KCNQ3: variants seen among roughly 807,000 people sequenced by gnomAD.
KCNQ3 encodes the protein potassium voltage-gated channel subfamily Q member 3.
Under a neutral mutation model 92.5 loss-of-function variants are expected in KCNQ3, and 30 were observed. The ratio of observed to expected loss-of-function variants is 0.32; its 90% CI spans 0.24 to 0.44. The LOEUF (loss-of-function observed/expected upper bound fraction) is 0.44, where lower values mean the gene tolerates loss of function less well. Ranked by LOEUF, KCNQ3 falls within the 20% of genes least tolerant of loss-of-function variation. KCNQ3 has a pLI of 1.00. For missense variants in KCNQ3, 913 were observed against 1,140.3 expected (o/e 0.80, Z 2.87); for synonymous variants, 450 against 468.8 (o/e 0.96, Z 0.52).
chr8:132,428,313 CTT>C (rs1821162441), intron 1 of KCNQ3, among the ~76,000 whole-genome samples: 1 of 152,212 alleles, frequency 6.6e-6, no homozygotes, highest in African/African-American at 2.4e-5. Context: ...TTAAAGAAGT[CTT>C]TTCCAACATG....
At chr8:132,146,358 T>C (rs1032305149) in intron 9 of KCNQ3, among the ~76,000 whole-genome samples, 2 of 152,212 alleles carry the variant, frequency 1.3e-5, no homozygotes, top group Admixed American at 6.5e-5. Context: ...TTGAGGACAT[T>C]ATGCTAAATG....
At chr8:132,185,940 G>T in intron 2 of KCNQ3, 151 bp downstream of exon 2, 1 of 696,806 alleles carries the variant, frequency 1.4e-6, no homozygotes, top group Non-Finnish European at 2.6e-6. Flanking sequence ...GCCATACCAA[G>T]TAATGGAGGC....
rs74594293 is a variant in KCNQ3, at chr8:132,233,923, C to T, written c.387-47742G>A. ...CAATAAAGGAAAAGGTCTAATTTGACCTGTGGGGAAAATGACAAAGTAAAT... is the reference window on the plus strand; with the variant it reads ...CAATAAAGGAAAAGGTCTAATTTGATCTGTGGGGAAAATGACAAAGTAAAT... On this transcript the variant is annotated intron_variant, in intron 1 of 14. Coordinates refer to ENST00000388996, the MANE Select transcript of KCNQ3 (RefSeq NM_004519.4). 4.7e-4 allele frequency among the ~76,000 whole-genome samples: 72 copies of T among 152,170 alleles called. No homozygotes were observed. The East Asian group carries it at 0.013, about 28-fold the overall frequency.
intron 1 of KCNQ3, among the ~76,000 whole-genome samples, chr8:132,298,725 G>T (rs7835976): frequency 0.026 from 3,908 of 152,206 alleles, 185 homozygotes; most frequent in African/African-American, 0.089. Flanking sequence ...TGGCCAACAT[G>T]GTGAAAACCC....
intron 1 of KCNQ3, among the ~76,000 whole-genome samples, chr8:132,424,935 A>G (rs958421039): frequency 1.3e-5 from 2 of 152,222 alleles, no homozygotes; most frequent in African/African-American, 4.8e-5. Flanking sequence ...AATTATATCC[A>G]CAAGGAGTCT....
chr8:132,179,058 A>T (rs1435791787), intron 4 of KCNQ3, among the ~76,000 whole-genome samples: 1 of 148,820 alleles, frequency 6.7e-6, no homozygotes, highest in Admixed American at 6.7e-5. Flanking sequence ...CCCAAAGAAC[A>T]TCCATCCCAG....
At chr8:132,408,033 T>C (rs1820539939) in intron 1 of KCNQ3, among the ~76,000 whole-genome samples, 1 of 152,102 alleles carries the variant, frequency 6.6e-6, no homozygotes, top group Admixed American at 6.5e-5. Context: ...ATTAATCTAG[T>C]TTATTACTAG....
chr8:132,427,389 G>T (rs909757809), intron 1 of KCNQ3, among the ~76,000 whole-genome samples: 3 of 152,164 alleles, frequency 2.0e-5, no homozygotes, highest in Admixed American at 2.0e-4. Context: ...CTCCTTTAAC[G>T]TAAGGAGTCA....
At chr8:132,264,839 C>A (rs545086429) in intron 1 of KCNQ3, among the ~76,000 whole-genome samples, 1 of 152,268 alleles carries the variant, frequency 6.6e-6, no homozygotes, top group Non-Finnish European at 1.5e-5. Flanking sequence ...TAGAAAATAA[C>A]CTGACCCTAA....
chr8:132,149,173 T>C (rs538263533), intron 9 of KCNQ3, among the ~76,000 whole-genome samples: 8 of 152,326 alleles, frequency 5.3e-5, no homozygotes, highest in African/African-American at 1.4e-4. Context: ...TCATATAGAA[T>C]TGATAGATGC....
chr8:132,381,554 A>C (rs548330786), intron 1 of KCNQ3, among the ~76,000 whole-genome samples: 13 of 152,314 alleles, frequency 8.5e-5, no homozygotes, highest in Admixed American at 4.6e-4. Context: ...TCCCCAAGAG[A>C]AAAATTCCCC....
chr8:132,456,561 T>C (rs980644028), intron 1 of KCNQ3, among the ~76,000 whole-genome samples: 2 of 152,054 alleles, frequency 1.3e-5, no homozygotes, highest in Admixed American at 6.6e-5. Flanking sequence ...AGCCAAACTG[T>C]TCATAATTCA....
chr8:132,201,445 C>T (rs1408989060), intron 1 of KCNQ3, among the ~76,000 whole-genome samples: 1 of 152,108 alleles, frequency 6.6e-6, no homozygotes, highest in Non-Finnish European at 1.5e-5. Context: ...GAGGCAAATA[C>T]CTCTCCAGCT....
At chr8:132,164,392 A>G (rs1295586804) in intron 8 of KCNQ3, among the ~76,000 whole-genome samples, 1 of 149,340 alleles carries the variant, frequency 6.7e-6, no homozygotes, top group African/African-American at 2.6e-5. Context: ...CCAGCACGTG[A>G]GAGTGCTCAC....
intron 1 of KCNQ3, among the ~76,000 whole-genome samples, chr8:132,231,781 C>T (rs1814655257): frequency 6.6e-6 from 1 of 152,202 alleles, no homozygotes; most frequent in South Asian, 2.1e-4. Flanking sequence ...TGTTCTAAGC[C>T]ACATTCATGC....
At chr8:132,184,619 G>A (rs1403952803) in intron 2 of KCNQ3, among the ~76,000 whole-genome samples, 3 of 152,288 alleles carry the variant, frequency 2.0e-5, no homozygotes, top group East Asian at 1.9e-4. Context: ...ACCTGGCACA[G>A]TGATTACTCG....
chr8:132,433,897 A>C (rs1326695396), intron 1 of KCNQ3, among the ~76,000 whole-genome samples: 1 of 143,686 alleles, frequency 7.0e-6, no homozygotes, highest in Non-Finnish European at 1.5e-5. Context: ...CTCAAAACTA[A>C]GTAAATAAAT....
At chr8:132,281,767 T>C (rs1039529535) in intron 1 of KCNQ3, among the ~76,000 whole-genome samples, 4 of 152,150 alleles carry the variant, frequency 2.6e-5, no homozygotes, top group Admixed American at 1.3e-4. Flanking sequence ...GTGAGGTTCA[T>C]GTAGACCTTC....
intron 1 of KCNQ3, among the ~76,000 whole-genome samples, chr8:132,362,705 CA>C: frequency 6.6e-6 from 1 of 152,162 alleles, no homozygotes; most frequent in East Asian, 1.9e-4. Context: ...ACCAGGCAAA[CA>C]GGGGGAAGCA....
Sources: gnomAD v4.1 joint callset for allele counts (sites outside exome capture counted in the v4.1 genomes callset) on GRCh38, gnomAD v4.1.1 for gene constraint, MANE v1.5 for transcripts, NCBI Gene and HGNC (gene_info 2026-07-23, HGNC 2026-07-21) for gene names.